NLRP8: variants seen among roughly 807,000 people sequenced by gnomAD.
NLRP8 encodes the protein NLR family pyrin domain containing 8, also known as NACHT, LRR and PYD domains-containing protein 8.
A neutral mutation model predicts 88.7 loss-of-function variants in NLRP8; 86 were observed. The ratio of observed to expected loss-of-function variants is 0.97; its 90% CI spans 0.81 to 1.16. The LOEUF (loss-of-function observed/expected upper bound fraction) is 1.16. Ranked by LOEUF, NLRP8 falls within the 50% of genes most tolerant of loss-of-function variation. The pLI is 0.00. For synonymous variants in NLRP8, 504 were observed against 494.6 expected, an observed-to-expected ratio of 1.02 and a Z score of -0.25; for missense variants, 1,342 against 1,286.5, an observed-to-expected ratio of 1.04 and a Z score of -0.66.
At chr19:55,986,302 TCATACA>T (rs1980803663) in intron 9 of NLRP8, among the ~76,000 whole-genome samples, 5 of 146,776 alleles carry the variant, frequency 3.4e-5, no homozygotes, top group East Asian at 4.3e-4. Context: ...ACACACTCTA[TCATACA>T]CAGTCTCTCA....
chr19:55,972,581 C>G (rs1288321873), intron 6 of NLRP8, among the ~76,000 whole-genome samples: 1 of 151,942 alleles, frequency 6.6e-6, no homozygotes, highest in East Asian at 1.9e-4. Context: ...CCTTGCCACC[C>G]CCCACCCTTT....
rs1486925277 is a variant in NLRP8, at chr19:55,947,977, G to A, written c.75G>A (p.Pro25=). ...CCTCCACTCACAGTTCTCATATTCC[G>A]CCCTGGACATTCTCTTGCTACCCCG... The change falls in exon 1 of 10, where the codon CCG becomes CCA. Residue 25 remains proline, a synonymous_variant. Coordinates refer to ENST00000291971, the MANE Select transcript of NLRP8 (RefSeq NM_176811.2). The A allele has an allele frequency of 1.2e-5, 19 of 1,613,776 alleles. No individual in the cohort carries two copies. Among genetic ancestry groups the A allele is most frequent in the Non-Finnish European group, 1.4e-5 (17 of 1,179,990 alleles).
At position 55,979,490 on chromosome 19, in the gene NLRP8, T is replaced by G; in HGVS notation, c.2973T>G (p.Asn991Lys). The G allele has an allele frequency of 6.2e-7, 1 of 1,614,234 alleles. No individual in the cohort carries two copies. The highest frequency in any genetic ancestry group is 8.5e-7 in the Non-Finnish European group (1 of 1,180,038). Reference sequence around the variant, plus strand: ...TGAGACATCTGGACTTGAGCAAGAATGCGATTGGAGTCTATGGTATTCTGA... The same window carrying G: ...TGAGACATCTGGACTTGAGCAAGAAGGCGATTGGAGTCTATGGTATTCTGA... Residue 991 changes from asparagine to lysine, a missense_variant, in exon 9 of 10, where the codon AAT becomes AAG. By Grantham distance (94) the Asn-to-Lys change is moderately conservative. Transcript: ENST00000291971.
intron 1 of NLRP8, among the ~76,000 whole-genome samples, chr19:55,950,658 C>T (rs1050451711): frequency 3.9e-5 from 6 of 152,216 alleles, no homozygotes; most frequent in South Asian, 2.1e-4. Context: ...GCTCTCACCC[C>T]GTAAGCCAGT....
At chr19:55,950,377 C>G (rs1979038016) in intron 1 of NLRP8, among the ~76,000 whole-genome samples, 1 of 151,988 alleles carries the variant, frequency 6.6e-6, no homozygotes, top group South Asian at 2.1e-4. Flanking sequence ...TAAGATCATG[C>G]CACTGCACTC....
chr19:55,964,812 G>A (rs1234052587), intron 4 of NLRP8, among the ~76,000 whole-genome samples: 2 of 151,522 alleles, frequency 1.3e-5, no homozygotes, highest in African/African-American at 2.4e-5. Context: ...ATGGCATCAC[G>A]AATATATGCA....
At chr19:55,976,332 G>T in intron 8 of NLRP8, 29 bp downstream of exon 8, 1 of 1,549,592 alleles carries the variant, frequency 6.5e-7, no homozygotes, top group Non-Finnish European at 8.7e-7. Context: ...CCTCCTGTGA[G>T]ACCAGGAGAA....
At chr19:55,975,012 T>G (rs1980246569) in intron 7 of NLRP8, among the ~76,000 whole-genome samples, 1 of 152,146 alleles carries the variant, frequency 6.6e-6, no homozygotes, top group Non-Finnish European at 1.5e-5. Context: ...GTAGTTCATT[T>G]TCACAGCTTG....
chr19:55,986,483 C>CACACACACATACACACACACACACAT (rs770089079), intron 9 of NLRP8, among the ~76,000 whole-genome samples: 6 of 149,410 alleles, frequency 4.0e-5, no homozygotes, highest in African/African-American at 1.5e-4. Context: ...TACACACACA[C>CACACACACATACACACACACACACAT]ACACACACAC....
At chr19:55,987,743 T>C (rs1980915678) in intron 9 of NLRP8, 3 of 1,134,684 alleles carry the variant, frequency 2.6e-6, no homozygotes, top group African/African-American at 3.0e-5. Context: ...AGAGACAAAA[T>C]GCAAGCTTAG....
At chr19:55,977,962 G>A (rs1980417763) in intron 8 of NLRP8, among the ~76,000 whole-genome samples, 1 of 152,022 alleles carries the variant, frequency 6.6e-6, no homozygotes, top group South Asian at 2.1e-4. Context: ...TTTAAATGTT[G>A]ATTTATCTCT....
Position 55,957,671 on chromosome 19 carries a change from AATTATATATATAT to A in NLRP8, c.2042+1574_2042+1586del, listed in dbSNP as rs1403111035. Among the ~76,000 whole-genome samples, 48 of 55,360 alleles carry A rather than the reference AATTATATATATAT, an allele frequency of 8.7e-4. 2 individuals carry two copies. The highest frequency in any genetic ancestry group is 3.5e-3 in the African/African-American group (39 of 11,220). The allele number at this position is 55,360 out of a possible 152,430, so 36.3% of individuals were successfully genotyped here. ...ACTATCTTAAAAAAGAAAAAATAAT[AATTATATATATAT>A]ATATATATATATATATATATATATA... On this transcript the variant is annotated intron_variant, in intron 3 of 9. Transcript: ENST00000291971.
Position 55,954,561 on chromosome 19 carries a change from C to A in NLRP8, c.503C>A (p.Thr168Lys), listed in dbSNP as rs1295299483. The A allele has an allele frequency of 6.2e-7, 1 of 1,614,132 alleles. No individual in the cohort carries two copies. ...AAGTTTTTCCCCATATGGGACATTA[C>A]GACTTGGCCTGGAAACCAGAGGGAC... The change falls in exon 3 of 10, where the codon ACG becomes AAG. Residue 168 changes from threonine to lysine, a missense_variant. Transcript: ENST00000291971.
intron 6 of NLRP8, among the ~76,000 whole-genome samples, chr19:55,972,173 GGTGTGATCTT>G (rs1353349615): frequency 3.4e-4 from 50 of 148,024 alleles, no homozygotes; most frequent in African/African-American, 1.3e-3. Flanking sequence ...GGAGTGCAGT[GGTGTGATCTT>G]GGCTCACTGC....
intron 1 of NLRP8, 88 bp from the exon 2 acceptor site, chr19:55,952,450 G>A: frequency 9.6e-7 from 1 of 1,037,794 alleles, no homozygotes; most frequent in Non-Finnish European, 1.5e-6. Flanking sequence ...GGCTGCTTCT[G>A]TCCTAAAAAG....
At chr19:55,962,428 G>A (rs528547902) in intron 4 of NLRP8, among the ~76,000 whole-genome samples, 191 bp downstream of exon 4, 2 of 152,298 alleles carry the variant, frequency 1.3e-5, no homozygotes, top group East Asian at 1.9e-4. Flanking sequence ...CCAGGCTGAC[G>A]GCTCGATCTG....
chr19:55,973,111 A>G (rs1980153077), intron 6 of NLRP8, among the ~76,000 whole-genome samples: 1 of 151,552 alleles, frequency 6.6e-6, no homozygotes, highest in South Asian at 2.1e-4. Flanking sequence ...TTTCACCAAC[A>G]CCTTTCTTTT....
Position 55,972,865 on chromosome 19 carries a change from T to C in NLRP8, c.2535-787T>C, listed in dbSNP as rs190829673. Reference sequence around the variant, plus strand: ...ACATTTTCTTTATCCACTTGTTGTTTTATGGGCATTTGGGCTGGTTCCATA... The same window carrying C: ...ACATTTTCTTTATCCACTTGTTGTTCTATGGGCATTTGGGCTGGTTCCATA... On this transcript the variant is annotated intron_variant, in intron 6 of 9. Transcript: ENST00000291971. Among the ~76,000 whole-genome samples the C allele has an allele frequency of 2.1e-3, 323 of 151,920 alleles. 3 individuals are homozygous for C. The highest frequency in any genetic ancestry group is 3.1e-3 in the South Asian group (15 of 4,806).
At chr19:55,972,833 G>GTA (rs1980140439) in intron 6 of NLRP8, among the ~76,000 whole-genome samples, 1 of 151,378 alleles carries the variant, frequency 6.6e-6, no homozygotes, top group Non-Finnish European at 1.5e-5. Context: ...GTGTGTGTGT[G>GTA]TGTGTGACAT....
Sources: allele counts gnomAD v4.1 joint callset (sites outside exome capture counted in the v4.1 genomes callset), GRCh38; gene constraint gnomAD v4.1.1; transcripts MANE v1.5; gene names NCBI Gene and HGNC (gene_info 2026-07-23, HGNC 2026-07-21).